The following ANKMY2 variants were observed in gnomAD, a reference collection of about 807,000 sequenced individuals.
The protein encoded by ANKMY2 is ankyrin repeat and MYND domain-containing protein 2.
In ANKMY2, 36 loss-of-function variants were observed where a neutral mutation model predicts 50.4. That is an observed-to-expected ratio of 0.71 (90% CI 0.55 to 0.94). The LOEUF is 0.94. Among genes scored for constraint, ANKMY2 ranks in the 40% least tolerant of loss-of-function variants. The pLI, the probability that ANKMY2 is intolerant of heterozygous loss-of-function variation, is 0.00. For missense variants in ANKMY2, 565 were observed against 524.0 expected (o/e 1.08, Z -0.76); for synonymous variants, 187 against 178.8 (o/e 1.05, Z -0.36).
At chr7:16,643,642 A>T (rs1781775352) in intron 1 of ANKMY2, among the ~76,000 whole-genome samples, 1 of 151,954 alleles carries the variant, frequency 6.6e-6, no homozygotes, top group South Asian at 2.1e-4. Context: ...ACTGATGGAC[A>T]CCTGAGAATG....
At chr7:16,619,170 T>TTTTA (rs1781399062) in intron 4 of ANKMY2, among the ~76,000 whole-genome samples, 1 of 151,338 alleles carries the variant, frequency 6.6e-6, no homozygotes, top group South Asian at 2.1e-4. Flanking sequence ...TTTTTTTTTT[T>TTTTA]GAGATGGAGT....
intron 2 of ANKMY2, 39 bp downstream of exon 2, chr7:16,636,352 T>C (rs1422715234): frequency 6.5e-6 from 6 of 918,906 alleles, no homozygotes; most frequent in East Asian, 2.7e-5. Flanking sequence ...TCTCTTCTTA[T>C]AGGAAGTAAA....
intron 1 of ANKMY2, among the ~76,000 whole-genome samples, chr7:16,641,042 A>G (rs564475265): frequency 6.6e-6 from 1 of 152,340 alleles, no homozygotes; most frequent in Non-Finnish European, 1.5e-5. Context: ...AGCTATAAAT[A>G]TATTTTAAAA....
At chr7:16,606,384 G>A (rs1158562827) in intron 7 of ANKMY2, among the ~76,000 whole-genome samples, 5 of 151,676 alleles carry the variant, frequency 3.3e-5, no homozygotes, top group Admixed American at 6.6e-5. Context: ...AGCCGAGATC[G>A]TGTCACTACA....
intron 8 of ANKMY2, chr7:16,603,729 A>G (rs774828474): frequency 1.7e-4 from 78 of 470,770 alleles, no homozygotes; most frequent in Non-Finnish European, 3.0e-4. Context: ...ATGAAACAAC[A>G]TGGCAATTTC....
At chr7:16,626,136 G>A (rs1433961614) in intron 3 of ANKMY2, among the ~76,000 whole-genome samples, 1 of 151,776 alleles carries the variant, frequency 6.6e-6, no homozygotes, top group Non-Finnish European at 1.5e-5. Flanking sequence ...GTGCGCCACT[G>A]TCCCTGGCTA....
chr7:16,607,396 TC>T (rs1781177952), intron 7 of ANKMY2, among the ~76,000 whole-genome samples: 1 of 151,924 alleles, frequency 6.6e-6, no homozygotes, highest in Non-Finnish European at 1.5e-5. Context: ...TGAAAACCCG[TC>T]TTTACTAAAA....
At position 16,602,432 on chromosome 7, in the gene ANKMY2, A is replaced by G; in HGVS notation, c.1089T>C (p.Ile363=). The G allele has an allele frequency of 6.2e-7, 1 of 1,613,734 alleles. No homozygotes were observed. Among genetic ancestry groups the G allele is most frequent in the Non-Finnish European group, 8.5e-7 (1 of 1,179,946 alleles). The change falls in exon 9 of 10, where the codon ATT becomes ATC. Residue 363 remains isoleucine (I), a synonymous_variant. Transcript: ENST00000306999. The part of the protein sequence containing the change: ...HKKICKNLKD[I]YEKQQLEAAK... ...CAGCCTCCAACTGTTGCTTTTCGTA[A>G]ATGTCCTTCAGATTCTTACAGATTT...
chr7:16,610,313 A>AT (rs745545991), intron 6 of ANKMY2, among the ~76,000 whole-genome samples: 1 of 152,202 alleles, frequency 6.6e-6, no homozygotes, highest in Non-Finnish European at 1.5e-5. Context: ...CAAACCTCAG[A>AT]TTCCTCATCT....
At chr7:16,633,090 T>C (rs1056136220) in intron 2 of ANKMY2, among the ~76,000 whole-genome samples, 7 of 152,172 alleles carry the variant, frequency 4.6e-5, no homozygotes, top group Non-Finnish European at 8.8e-5. Flanking sequence ...CATTTTTTAA[T>C]TGAGTTATAT....
chr7:16,635,141 G>C (rs1332937318), intron 2 of ANKMY2, among the ~76,000 whole-genome samples: 1 of 152,012 alleles, frequency 6.6e-6, no homozygotes, highest in Non-Finnish European at 1.5e-5. Context: ...TGGATAAAAA[G>C]ATTATGGTAT....
intron 1 of ANKMY2, among the ~76,000 whole-genome samples, chr7:16,639,997 T>TA (rs1174380154): frequency 0.035 from 4,986 of 143,068 alleles, 258 homozygotes; most frequent in African/African-American, 0.12. Context: ...CCATCTCTAC[T>TA]AAAAAAAAAA....
Position 16,621,917 on chromosome 7 carries a change from C to T in ANKMY2, c.370+3066G>A, listed in dbSNP as rs185468817. 1.1e-3 allele frequency among the ~76,000 whole-genome samples: 169 copies of T among 151,538 alleles called. 1 individual carries two copies. The highest frequency in any genetic ancestry group is 5.5e-3 in the Admixed American group (83 of 15,184). ...CCAGGAGGTGGAGGTTGCAGTGAGC[C>T]GAGATTATGCCACTGCACTCCAGCC... On this transcript the variant is annotated intron_variant, in intron 4 of 9. Coordinates refer to ENST00000306999, the MANE Select transcript of ANKMY2 (RefSeq NM_020319.3).
intron 1 of ANKMY2, 103 bp from the exon 2 acceptor site, chr7:16,636,558 C>T: frequency 1.2e-6 from 1 of 811,374 alleles, no homozygotes; most frequent in Non-Finnish European, 1.9e-6. Context: ...TGTAAGAGTA[C>T]ATCTAGTCAG....
intron 4 of ANKMY2, among the ~76,000 whole-genome samples, chr7:16,616,708 C>T (rs930207392): frequency 1.3e-5 from 2 of 152,370 alleles, no homozygotes; most frequent in African/African-American, 2.4e-5. Flanking sequence ...GAGACTTCTT[C>T]CTCCGCTCTG....
Position 16,600,632 on chromosome 7 carries a change from G to T in ANKMY2, c.*129C>A. ...TCAACAGGGGTTTGCTTGAAAACCT[G>T]TATTCTATGAAATGTGGAATCCTGC... On this transcript the variant is annotated 3_prime_UTR_variant, in exon 10 of 10. Transcript: ENST00000306999. The T allele has an allele frequency of 1.4e-6, 1 of 724,528 alleles. No homozygotes were observed. The highest frequency in any genetic ancestry group is 3.8e-5 in the Admixed American group (1 of 26,598). The allele number at this position is 724,528 out of a possible 1,614,324, so 44.9% of individuals were successfully genotyped here.
chr7:16,614,792 A>C (rs1365989117), intron 5 of ANKMY2, among the ~76,000 whole-genome samples: 1 of 152,214 alleles, frequency 6.6e-6, no homozygotes, highest in Non-Finnish European at 1.5e-5. Context: ...TTTTGACACA[A>C]CTTAGTATCT....
Position 16,622,778 on chromosome 7 carries a change from AAATAAAT to A in ANKMY2, c.370+2198_370+2204del, listed in dbSNP as rs371548352. On this transcript the variant is annotated intron_variant, in intron 4 of 9. Transcript: ENST00000306999. ...TAAATAAATAAATAAATAAATAAAT[AAATAAAT>A]AAAAATAAAAACTCTATATCCTTTG... Among the ~76,000 whole-genome samples the A allele has an allele frequency of 5.6e-3, 469 of 84,468 alleles. 3 individuals are homozygous for A. The highest frequency in any genetic ancestry group is 0.029 in the Middle Eastern group (4 of 140). 55.4% of individuals were successfully genotyped at this position (84,468 alleles called of 152,430 possible).
intron 2 of ANKMY2, among the ~76,000 whole-genome samples, chr7:16,628,447 C>T (rs1249300049): frequency 1.4e-5 from 2 of 138,992 alleles, no homozygotes; most frequent in Non-Finnish European, 3.0e-5. Flanking sequence ...AAATGATAAG[C>T]AGATGATAAC....
Sources: gnomAD v4.1 joint callset for allele counts (sites outside exome capture counted in the v4.1 genomes callset) on GRCh38, gnomAD v4.1.1 for gene constraint, MANE v1.5 for transcripts, NCBI Gene and HGNC (gene_info 2026-07-23, HGNC 2026-07-21) for gene names.